Variants in PDE4B observed in about 807,000 individuals in gnomAD.
PDE4B encodes phosphodiesterase 4B.
Under a neutral mutation model 82.2 loss-of-function variants are expected in PDE4B, and 20 were observed. The observed-to-expected ratio is 0.24, with a 90% CI of 0.17 to 0.35. The LOEUF (loss-of-function observed/expected upper bound fraction) is 0.35, where lower values mean the gene tolerates loss of function less well. Ranked by LOEUF, PDE4B falls within the 10% of genes least tolerant of loss-of-function variation. The pLI is 1.00. For missense variants in PDE4B, 655 were observed against 907.2 expected (o/e 0.72, Z 3.57); for synonymous variants, 320 against 318.9 (o/e 1.00, Z -0.04).
At chr1:66,090,621 A>ATATATATATATATATATATATATGTG in intron 3 of PDE4B, among the ~76,000 whole-genome samples, 5 of 122,728 alleles carry the variant, frequency 4.1e-5, no homozygotes, top group African/African-American at 2.1e-4. Context: ...TATATAATAT[A>ATATATATATATATATATATATATGTG]TGTGTGTGTG....
chr1:66,240,012 T>A (rs562654630), intron 3 of PDE4B, among the ~76,000 whole-genome samples: 2 of 152,350 alleles, frequency 1.3e-5, no homozygotes, highest in African/African-American at 4.8e-5. Context: ...CTGTGTGTGG[T>A]CATTGGGCCT....
intron 3 of PDE4B, among the ~76,000 whole-genome samples, chr1:66,244,170 T>C (rs902399389): frequency 6.6e-6 from 1 of 152,114 alleles, no homozygotes; most frequent in South Asian, 2.1e-4. Flanking sequence ...TCATGGAAAA[T>C]GCTAATTCTG....
intron 1 of PDE4B, among the ~76,000 whole-genome samples, chr1:65,837,876 T>C (rs997876834): frequency 6.6e-6 from 1 of 152,158 alleles, no homozygotes; most frequent in African/African-American, 2.4e-5. Flanking sequence ...TACCCATTAG[T>C]TATTTTTCTA....
intron 7 of PDE4B, among the ~76,000 whole-genome samples, chr1:66,311,406 T>A (rs1485537615): frequency 1.3e-5 from 2 of 152,286 alleles, no homozygotes; most frequent in Admixed American, 1.3e-4. Context: ...ATGCCTTCAC[T>A]GTCTCCCTTA....
chr1:66,162,253 G>T (rs955118148), intron 3 of PDE4B, among the ~76,000 whole-genome samples: 3 of 145,542 alleles, frequency 2.1e-5, no homozygotes, highest in African/African-American at 7.5e-5. Context: ...AATGCAGAGG[G>T]ACAAGACTTG....
chr1:66,136,353 T>C (rs1451057786), intron 3 of PDE4B, among the ~76,000 whole-genome samples: 3 of 152,124 alleles, frequency 2.0e-5, no homozygotes, highest in African/African-American at 7.2e-5. Flanking sequence ...CAATTAGAAG[T>C]GGTAATTGAA....
chr1:66,202,704 A>T, intron 3 of PDE4B, among the ~76,000 whole-genome samples: 1 of 151,928 alleles, frequency 6.6e-6, no homozygotes, highest in Non-Finnish European at 1.5e-5. Flanking sequence ...TGTTTGGTAG[A>T]TCTTCCTCCA....
At chr1:65,873,961 T>C (rs1344959315) in intron 1 of PDE4B, among the ~76,000 whole-genome samples, 1 of 151,390 alleles carries the variant, frequency 6.6e-6, no homozygotes, top group Admixed American at 6.6e-5. Context: ...AAGAAAGTCA[T>C]TGGTAGCTTG....
intron 7 of PDE4B, among the ~76,000 whole-genome samples, chr1:66,271,415 A>G (rs1295624146): frequency 6.6e-6 from 1 of 152,208 alleles, no homozygotes; most frequent in African/African-American, 2.4e-5. Flanking sequence ...GGAATCATGC[A>G]TGTTAGTAAG....
intron 3 of PDE4B, among the ~76,000 whole-genome samples, chr1:66,160,477 AC>A (rs1379874991): frequency 6.6e-6 from 1 of 152,228 alleles, no homozygotes; most frequent in African/African-American, 2.4e-5. Flanking sequence ...TTTACCAGTT[AC>A]GTGGCTACAT....
intron 1 of PDE4B, among the ~76,000 whole-genome samples, chr1:65,886,061 G>A (rs1468969266): frequency 6.6e-6 from 1 of 150,522 alleles, no homozygotes; most frequent in Non-Finnish European, 1.5e-5. Context: ...TATGAAAAAA[G>A]GAACATAAAA....
chr1:66,186,582 A>G (rs1274416556), intron 3 of PDE4B, among the ~76,000 whole-genome samples: 4 of 152,072 alleles, frequency 2.6e-5, no homozygotes, highest in Non-Finnish European at 5.9e-5. Flanking sequence ...TAGGTATTTT[A>G]TTCTCTTTGA....
At chr1:65,855,391 T>C (rs914742500) in intron 1 of PDE4B, among the ~76,000 whole-genome samples, 1 of 152,176 alleles carries the variant, frequency 6.6e-6, no homozygotes, top group Non-Finnish European at 1.5e-5. Flanking sequence ...TTTGATCCTT[T>C]TGAAGCTTTT....
chr1:65,879,152 G>T (rs577002850), intron 1 of PDE4B, among the ~76,000 whole-genome samples: 9 of 152,152 alleles, frequency 5.9e-5, no homozygotes, highest in African/African-American at 2.2e-4. Flanking sequence ...TCAGGAGTTA[G>T]CTGTCAGGGG....
At chr1:66,128,996 G>A (rs189537131) in intron 3 of PDE4B, among the ~76,000 whole-genome samples, 25 of 152,282 alleles carry the variant, frequency 1.6e-4, no homozygotes, top group African/African-American at 5.3e-4. Flanking sequence ...GGACACAGCC[G>A]AACCATATCA....
At chr1:65,885,017 A>G (rs925863476) in intron 1 of PDE4B, among the ~76,000 whole-genome samples, 3 of 152,242 alleles carry the variant, frequency 2.0e-5, no homozygotes, top group African/African-American at 7.2e-5. Flanking sequence ...TTTACAAGAA[A>G]AAAACAAACA....
intron 1 of PDE4B, among the ~76,000 whole-genome samples, chr1:65,816,967 T>C (rs1645893083): frequency 6.6e-6 from 1 of 152,196 alleles, no homozygotes; most frequent in Non-Finnish European, 1.5e-5. Flanking sequence ...TCCAGACTTG[T>C]AGCTGAGGTT....
At chr1:65,822,710 G>A (rs779076709) in intron 1 of PDE4B, among the ~76,000 whole-genome samples, 10 of 152,064 alleles carry the variant, frequency 6.6e-5, no homozygotes, top group Non-Finnish European at 1.3e-4. Flanking sequence ...TACCACATGA[G>A]GACACAGCAT....
At chr1:65,841,283 A>G (rs1206116765) in intron 1 of PDE4B, among the ~76,000 whole-genome samples, 2 of 151,950 alleles carry the variant, frequency 1.3e-5, no homozygotes, top group Non-Finnish European at 2.9e-5. Context: ...AGCCTGGGTG[A>G]TAGAGCGAGA....
Sources: gnomAD v4.1 joint callset for allele counts (sites outside exome capture counted in the v4.1 genomes callset) on GRCh38, gnomAD v4.1.1 for gene constraint, MANE v1.5 for transcripts, NCBI Gene and HGNC (gene_info 2026-07-23, HGNC 2026-07-21) for gene names.